KIF26B: variants seen among roughly 807,000 people sequenced by gnomAD.
KIF26B encodes the protein kinesin family member 26B.
Under a neutral mutation model 151.2 loss-of-function variants are expected in KIF26B, and 63 were observed. The ratio of observed to expected loss-of-function variants is 0.42; its 90% CI spans 0.34 to 0.51. The LOEUF is 0.51. Among genes scored for constraint, KIF26B ranks in the 20% least tolerant of loss-of-function variants. KIF26B has a pLI of 0.07. For synonymous variants in KIF26B, 1,357 were observed against 1,262.1 expected, an observed-to-expected ratio of 1.08 and a Z score of -1.59; for missense variants, 2,813 against 2,913.6, an observed-to-expected ratio of 0.97 and a Z score of 0.79.
At chr1:245,278,160 G>A (rs900812842) in intron 2 of KIF26B, among the ~76,000 whole-genome samples, 1 of 152,060 alleles carries the variant, frequency 6.6e-6, no homozygotes, top group Non-Finnish European at 1.5e-5. Context: ...TTTTCCCCAA[G>A]TATTGCCATA....
intron 2 of KIF26B, among the ~76,000 whole-genome samples, chr1:245,217,638 A>G (rs1401225280): frequency 2.6e-5 from 4 of 152,058 alleles, no homozygotes; most frequent in Non-Finnish European, 5.9e-5. Flanking sequence ...CCAAAGTGCT[A>G]GGACTATAGG....
intron 3 of KIF26B, among the ~76,000 whole-genome samples, chr1:245,408,349 C>CTTTTTTTTTTTTTTTTTTTT (rs58724712): frequency 8.8e-6 from 1 of 113,332 alleles, no homozygotes; most frequent in Non-Finnish European, 1.8e-5. Flanking sequence ...TTAAATGATT[C>CTTTTTTTTTTTTTTTTTTTT]TTTTTTTTTT....
rs1345101157 is a variant in KIF26B at position 245,241,229 on chromosome 1, A to T, written c.465+84546A>T. ...AGATTAGCAGGGACCTAATCTGTGA[A>T]GTGAAGGTGGAATGACCAGGATGGC... is the stretch of plus-strand genomic sequence containing the variant. On this transcript the variant is annotated intron_variant, in intron 2 of 14. Coordinates refer to ENST00000407071, the MANE Select transcript of KIF26B (RefSeq NM_018012.4). The surrounding 1 kb of genome is among the most constrained non-coding windows in gnomAD (Gnocchi z 5.0). Among the ~76,000 whole-genome samples the T allele has an allele frequency of 2.0e-5, 3 of 151,966 alleles. No homozygotes were observed. The highest frequency in any genetic ancestry group is 2.9e-5 in the Non-Finnish European group (2 of 68,000).
chr1:245,525,766 A>G (rs1160599362), intron 4 of KIF26B, among the ~76,000 whole-genome samples: 1 of 152,178 alleles, frequency 6.6e-6, no homozygotes, highest in Admixed American at 6.5e-5. Context: ...CAAAACATAA[A>G]TATTATTTTC....
rs117991554 is a variant in KIF26B at position 245,637,837 on chromosome 1, T to C, written c.2099-8284T>C. On this transcript the variant is annotated intron_variant, in intron 9 of 14. Transcript: ENST00000407071. ...AGTGCATAGATTTATTTCTGGGTTTTCTATTGTATTCCATTGGTCTTCTAT... is the reference window on the plus strand; with the variant it reads ...AGTGCATAGATTTATTTCTGGGTTTCCTATTGTATTCCATTGGTCTTCTAT... Among the ~76,000 whole-genome samples, 120 of 152,212 alleles carry C rather than the reference T, an allele frequency of 7.9e-4. 4 individuals are homozygous for C. The East Asian group carries it at 0.023, about 29-fold the overall frequency.
intron 2 of KIF26B, among the ~76,000 whole-genome samples, chr1:245,300,687 C>A (rs1228249645): frequency 6.6e-6 from 1 of 151,676 alleles, no homozygotes; most frequent in Non-Finnish European, 1.5e-5. Context: ...CACCACCACA[C>A]CTGGCTAATT....
intron 2 of KIF26B, among the ~76,000 whole-genome samples, chr1:245,356,600 A>G (rs1034053928): frequency 5.9e-5 from 9 of 151,490 alleles, no homozygotes; most frequent in Non-Finnish European, 1.0e-4. Context: ...AGATGAAGCT[A>G]TTCAATGTGG....
intron 9 of KIF26B, among the ~76,000 whole-genome samples, chr1:245,631,040 G>A (rs1350147400): frequency 6.6e-6 from 1 of 152,044 alleles, no homozygotes; most frequent in East Asian, 1.9e-4. Context: ...GAATCTTTAG[G>A]TTGTTCTAAT....
chr1:245,530,606 T>G (rs1375922139), intron 4 of KIF26B, among the ~76,000 whole-genome samples: 1 of 152,202 alleles, frequency 6.6e-6, no homozygotes, highest in East Asian at 1.9e-4. Flanking sequence ...TCACATGTTT[T>G]TATGTGTGCT....
rs147192955 is a variant in KIF26B, at chr1:245,574,205, G to A, written c.1351-28372G>A. On this transcript the variant is annotated intron_variant, in intron 5 of 14. Transcript: ENST00000407071. ...TGTTGTCCAGGCTGGAGTGAGTGGCGTGATCTCGGCTCACTGCAAACTCCA... is the reference window on the plus strand; with the variant it reads ...TGTTGTCCAGGCTGGAGTGAGTGGCATGATCTCGGCTCACTGCAAACTCCA... Among the ~76,000 whole-genome samples, 999 of 152,254 alleles carry A rather than the reference G, an allele frequency of 6.6e-3. 9 individuals are homozygous for A. The highest frequency in any genetic ancestry group is 0.025 in the East Asian group (131 of 5,172).
At chr1:245,619,033 G>C (rs1447794862) in intron 9 of KIF26B, among the ~76,000 whole-genome samples, 2 of 140,056 alleles carry the variant, frequency 1.4e-5, no homozygotes, top group East Asian at 2.1e-4. Context: ...GTGCCACAGT[G>C]CTGGGGCTGT....
intron 4 of KIF26B, among the ~76,000 whole-genome samples, chr1:245,455,029 T>G (rs1339582931): frequency 6.6e-6 from 1 of 152,178 alleles, no homozygotes; most frequent in African/African-American, 2.4e-5. Context: ...AATTGAATAC[T>G]TGTTCATCAG....
At chr1:245,208,944 T>C (rs981202484) in intron 2 of KIF26B, among the ~76,000 whole-genome samples, 1 of 152,210 alleles carries the variant, frequency 6.6e-6, no homozygotes, top group Non-Finnish European at 1.5e-5. Flanking sequence ...TGTTGGGCAC[T>C]TAGGGAGTAT....
In KIF26B at chr1:245,527,612, C is replaced by T. The variant is rs369410750; in HGVS notation, c.1167-13155C>T. ...GCAGTGGCGTGATCTCGGCTCACTG[C>T]AAGCTCCACCTCCCGGGTTCATGCC... On this transcript the variant is annotated intron_variant, in intron 4 of 14. Transcript: ENST00000407071. Among the ~76,000 whole-genome samples the T allele has an allele frequency of 3.0e-5, 4 of 132,128 alleles. No homozygotes were observed. The East Asian group carries it at 6.7e-4, about 22-fold the overall frequency. 86.7% of individuals were successfully genotyped at this position (132,128 alleles called of 152,430 possible).
At chr1:245,558,191 T>C (rs1662082184) in intron 5 of KIF26B, among the ~76,000 whole-genome samples, 1 of 152,090 alleles carries the variant, frequency 6.6e-6, no homozygotes, top group African/African-American at 2.4e-5. Flanking sequence ...ACAAGATTAT[T>C]CACTCCACTC....
In KIF26B at chr1:245,702,328, C is replaced by T. The variant is rs139126920; in HGVS notation, c.6179-130C>T. Reference sequence around the variant, plus strand: ...CAGGCAGGAGGGAACTCTGCAGTGGCCTAAGGCAAGCGAACTAGACCTTTA... The same window carrying T: ...CAGGCAGGAGGGAACTCTGCAGTGGTCTAAGGCAAGCGAACTAGACCTTTA... On this transcript the variant is annotated intron_variant, in intron 14 of 14. Transcript: ENST00000407071. This position sits in a 1 kb window ranked among gnomAD's most constrained non-coding sequence, Gnocchi z 4.1. The T allele has an allele frequency of 6.8e-5, 63 of 932,164 alleles. No individual in the cohort carries two copies. Among genetic ancestry groups the T allele is most frequent in the Non-Finnish European group, 1.0e-4 (63 of 607,682 alleles). The allele number at this position is 932,164 out of a possible 1,614,324, so 57.7% of individuals were successfully genotyped here. A position where few individuals can be genotyped will look rare whatever the true frequency, so the allele number is the denominator to read the frequency against.
intron 2 of KIF26B, among the ~76,000 whole-genome samples, chr1:245,192,837 G>A (rs1199112200): frequency 6.6e-6 from 1 of 152,202 alleles, no homozygotes; most frequent in Non-Finnish European, 1.5e-5. Flanking sequence ...GTAGTGGTGG[G>A]GATTGGGTTT....
At position 245,602,453 on chromosome 1, in the gene KIF26B, C is replaced by T. The variant is rs1346297997; in HGVS notation, c.1351-124C>T. The T allele has an allele frequency of 1.5e-5, 11 of 713,496 alleles. No homozygotes were observed. The highest frequency in any genetic ancestry group is 2.6e-5 in the Non-Finnish European group (11 of 419,098). 44.2% of individuals were successfully genotyped at this position (713,496 alleles called of 1,614,324 possible). A position where few individuals can be genotyped will look rare whatever the true frequency, so the allele number is the denominator to read the frequency against. On this transcript the variant is annotated intron_variant, in intron 5 of 14. Transcript: ENST00000407071. The surrounding 1 kb of genome is among the most constrained non-coding windows in gnomAD (Gnocchi z 4.5). ...GTTGCTAATTCACTGTGCATTTCAT[C>T]ATAATTTATCCTGAGAAAGTTCAGT...
chr1:245,664,342 A>G (rs1474567200), intron 10 of KIF26B, among the ~76,000 whole-genome samples: 9 of 143,504 alleles, frequency 6.3e-5, no homozygotes, highest in Non-Finnish European at 1.2e-4. Context: ...CTTGGCAACA[A>G]GAGTGAAACT....
Sources: allele counts gnomAD v4.1 joint callset (sites outside exome capture counted in the v4.1 genomes callset), GRCh38; gene constraint gnomAD v4.1.1; non-coding constraint Gnocchi (gnomAD v3.1); transcripts MANE v1.5; gene names NCBI Gene and HGNC (gene_info 2026-07-23, HGNC 2026-07-21).